Variants in CSRNP3 observed in about 807,000 individuals in gnomAD.
The protein encoded by CSRNP3 is cysteine/serine-rich nuclear protein 3.
Under a neutral mutation model 48.0 loss-of-function variants are expected in CSRNP3, and 12 were observed. The ratio of observed to expected loss-of-function variants is 0.25; its 90% CI spans 0.16 to 0.41. The LOEUF is 0.41. CSRNP3 is among the 10% of genes least tolerant of loss of function. The probability of loss-of-function intolerance (pLI) is 1.00; values close to 1 mark genes in which losing one functional copy is unlikely to be tolerated. For synonymous variants in CSRNP3, 263 were observed against 269.7 expected, an observed-to-expected ratio of 0.98 and a Z score of 0.24; for missense variants, 580 against 724.4, an observed-to-expected ratio of 0.80 and a Z score of 2.29.
At chr2:165,546,227 T>G (rs951302101) in intron 3 of CSRNP3, among the ~76,000 whole-genome samples, 3 of 152,196 alleles carry the variant, frequency 2.0e-5, no homozygotes, top group African/African-American at 4.8e-5. Context: ...AGTCTCACTC[T>G]GTCGCCCAGG....
chr2:165,574,364 G>C, intron 3 of CSRNP3: 2 of 1,550,226 alleles, frequency 1.3e-6, no homozygotes, highest in Non-Finnish European at 1.7e-6. Context: ...GTTAAATGAA[G>C]TGTGCTTTAT....
At chr2:165,531,073 TA>T (rs1188626258) in intron 3 of CSRNP3, among the ~76,000 whole-genome samples, 1 of 152,118 alleles carries the variant, frequency 6.6e-6, no homozygotes, top group Non-Finnish European at 1.5e-5. Flanking sequence ...TGACTAAAGA[TA>T]ATATTGGTAC....
chr2:165,506,401 C>T (rs893200133), intron 2 of CSRNP3, among the ~76,000 whole-genome samples: 2 of 152,066 alleles, frequency 1.3e-5, no homozygotes, highest in Non-Finnish European at 2.9e-5. Flanking sequence ...GTAAGGGATA[C>T]ACAAGAATAT....
In CSRNP3 at chr2:165,681,760, T is replaced by TATATATATATATATAC. The variant is rs1291170889; in HGVS notation, c.*2008_*2009insTATATATATATATACA. 8 of 44,718 alleles carry TATATATATATATATAC rather than the reference T, an allele frequency of 1.8e-4. No individual in the cohort carries two copies. Among genetic ancestry groups the TATATATATATATATAC allele is most frequent in the African/African-American group, 4.9e-4 (8 of 16,426 alleles). 2.8% of individuals were successfully genotyped at this position (44,718 alleles called of 1,614,324 possible). ...ATATATATATATATATATATATATA[T>TATATATATATATATAC]ACACACACACACACACATACACATA... is the stretch of plus-strand genomic sequence containing the variant. On this transcript the variant is annotated 3_prime_UTR_variant, in exon 7 of 7. Transcript: ENST00000651982.
intron 4 of CSRNP3, among the ~76,000 whole-genome samples, chr2:165,645,764 A>G (rs1686800659): frequency 6.6e-6 from 1 of 151,986 alleles, no homozygotes; most frequent in Admixed American, 6.6e-5. Flanking sequence ...TTTATTTTTG[A>G]GACAGGGTTT....
chr2:165,497,996 G>A (rs1001905064), intron 2 of CSRNP3, among the ~76,000 whole-genome samples: 4 of 152,106 alleles, frequency 2.6e-5, no homozygotes, highest in African/African-American at 9.7e-5. Flanking sequence ...GGCAGTGCTA[G>A]TGATGAGTTT....
At chr2:165,589,037 C>G (rs1685675382) in intron 3 of CSRNP3, among the ~76,000 whole-genome samples, 1 of 152,046 alleles carries the variant, frequency 6.6e-6, no homozygotes, top group Non-Finnish European at 1.5e-5. Context: ...TGTATACTAC[C>G]AAGTTTAATT....
chr2:165,554,901 C>T (rs138913457), intron 3 of CSRNP3, among the ~76,000 whole-genome samples: 4 of 152,328 alleles, frequency 2.6e-5, no homozygotes, highest in Non-Finnish European at 5.9e-5. Flanking sequence ...TTTCTCACTT[C>T]CCCGATCACA....
intron 3 of CSRNP3, among the ~76,000 whole-genome samples, chr2:165,537,041 T>G (rs1684890790): frequency 6.6e-6 from 1 of 151,866 alleles, no homozygotes; most frequent in Middle Eastern, 3.4e-3. Flanking sequence ...CTGCCTTCCC[T>G]TTCCTCCCTT....
In CSRNP3 at chr2:165,477,152, C is replaced by A. The variant is rs1044782829; in HGVS notation, c.-283+7412C>A. ...GGACCTTCAAAATATTAATATCAAG[C>A]ATTTTCAAAATTGGGGCATAGATCT... On this transcript the variant is annotated intron_variant, in intron 1 of 6. Coordinates refer to ENST00000651982, the MANE Select transcript of CSRNP3 (RefSeq NM_001172173.2). 7.2e-5 allele frequency among the ~76,000 whole-genome samples: 11 copies of A among 152,048 alleles called. No homozygotes were observed. In the East Asian group the frequency reaches 1.5e-3, roughly 21 times the overall value.
chr2:165,667,121 GAGAAAGAA>G (rs142009364), intron 5 of CSRNP3, among the ~76,000 whole-genome samples: 6 of 113,276 alleles, frequency 5.3e-5, no homozygotes, highest in Non-Finnish European at 1.0e-4. Flanking sequence ...GAAGGAAAGA[GAGAAAGAA>G]AGAAAGAGAG....
At chr2:165,559,419 G>C (rs1208519021) in intron 3 of CSRNP3, among the ~76,000 whole-genome samples, 1 of 152,136 alleles carries the variant, frequency 6.6e-6, no homozygotes, top group Non-Finnish European at 1.5e-5. Context: ...AGTTGAACAA[G>C]CTTTTTACTA....
chr2:165,502,006 G>A (rs1684365201), intron 2 of CSRNP3, among the ~76,000 whole-genome samples: 1 of 152,020 alleles, frequency 6.6e-6, no homozygotes, highest in South Asian at 2.1e-4. Context: ...GAAATATTTA[G>A]AGCTGACGTA....
rs1359541696 is a variant in CSRNP3 at position 165,679,832 on chromosome 2, T to G, written c.*79T>G. The G allele has an allele frequency of 2.0e-6, 3 of 1,520,486 alleles. No individual in the cohort carries two copies. The highest frequency in any genetic ancestry group is 1.8e-6 in the Non-Finnish European group (2 of 1,137,950). The allele number at this position is 1,520,486 out of a possible 1,614,324, so 94.2% of individuals were successfully genotyped here. ...ATTGGATTTCCTGGGCTCATCATTG[T>G]TTAAACTGAAGACCAAGAAAACTTG... On this transcript the variant is annotated 3_prime_UTR_variant, in exon 7 of 7. Coordinates refer to ENST00000651982, the MANE Select transcript of CSRNP3 (RefSeq NM_001172173.2).
intron 3 of CSRNP3, among the ~76,000 whole-genome samples, chr2:165,560,602 G>T (rs917872673): frequency 6.6e-6 from 1 of 152,124 alleles, no homozygotes; most frequent in Non-Finnish European, 1.5e-5. Context: ...TACTCTGATA[G>T]AGTCCACCTA....
At chr2:165,542,363 T>A (rs910390708) in intron 3 of CSRNP3, among the ~76,000 whole-genome samples, 1 of 152,170 alleles carries the variant, frequency 6.6e-6, no homozygotes, top group African/African-American at 2.4e-5. Flanking sequence ...ACTCACTGTT[T>A]AGTGCATACC....
At chr2:165,615,864 C>T (rs977332682) in intron 4 of CSRNP3, among the ~76,000 whole-genome samples, 2 of 149,352 alleles carry the variant, frequency 1.3e-5, no homozygotes, top group African/African-American at 4.9e-5. Flanking sequence ...GCACATACCA[C>T]CATATCTGGC....
chr2:165,487,527 G>A (rs1684136977), intron 1 of CSRNP3, among the ~76,000 whole-genome samples: 1 of 147,938 alleles, frequency 6.8e-6, no homozygotes, highest in African/African-American at 2.6e-5. Flanking sequence ...AGGAAAAAAT[G>A]TTAAGGGCAG....
intron 1 of CSRNP3, among the ~76,000 whole-genome samples, chr2:165,491,049 G>T (rs972194637): frequency 5.8e-5 from 8 of 137,076 alleles, no homozygotes; most frequent in African/African-American, 2.1e-4. Flanking sequence ...CAACCTACTC[G>T]TCTGACAAAG....
Sources: gnomAD v4.1 joint callset for allele counts (sites outside exome capture counted in the v4.1 genomes callset) on GRCh38, gnomAD v4.1.1 for gene constraint, MANE v1.5 for transcripts, NCBI Gene and HGNC (gene_info 2026-07-23, HGNC 2026-07-21) for gene names.